NATD1: variants seen among roughly 807,000 people sequenced by gnomAD.
NATD1 encodes the protein N-acetyltransferase domain containing 1, also known as protein NATD1.
NATD1 carries 9 observed loss-of-function variants against 12.0 expected under a neutral mutation model. The observed-to-expected ratio is 0.75, with a 90% CI of 0.45 to 1.30. NATD1 has a LOEUF of 1.30. NATD1 is among the 50% of genes most tolerant of loss of function. The pLI is 0.00. For missense variants in NATD1, 148 were observed against 148.5 expected (o/e 1.00, Z 0.02); for synonymous variants, 71 against 65.9 (o/e 1.08, Z -0.37).
intron 1 of NATD1, among the ~76,000 whole-genome samples, chr17:21,251,935 C>T (rs1414646818): frequency 6.6e-6 from 1 of 152,194 alleles, no homozygotes; most frequent in Non-Finnish European, 1.5e-5. Flanking sequence ...GCGAGGTGGG[C>T]CACAGGGAGT....
Position 21,244,199 on chromosome 17 carries a change from G to A in NATD1, c.132C>T (p.Leu44=), listed in dbSNP as rs1404596965. The A allele has an allele frequency of 6.2e-7, 1 of 1,612,904 alleles. No homozygotes were observed. Among genetic ancestry groups the A allele is most frequent in the Admixed American group, 1.7e-5 (1 of 59,992 alleles). Residue 44 remains leucine (L), a synonymous_variant, in exon 2 of 3, where the codon CTC becomes CTT. Coordinates refer to ENST00000611551, the MANE Select transcript of NATD1 (RefSeq NM_152914.3). The surrounding 1 kb of genome is among the most constrained non-coding windows in gnomAD (Gnocchi z 5.2). ...LNGCHDRAVL[L]YEYVGKRIVD... is the part of the protein sequence containing the mutation. The stretch of plus-strand genomic sequence containing the variant: ...CGATCCGCTTGCCCACGTACTCATA[G>A]AGCAGGACGGCCCGGTCATGACATC...
chr17:21,246,807 A>AG (rs1326177331), intron 1 of NATD1, among the ~76,000 whole-genome samples: 1 of 152,230 alleles, frequency 6.6e-6, no homozygotes, highest in Non-Finnish European at 1.5e-5. Flanking sequence ...AGGGCATACA[A>AG]GGACCCCAAA....
At position 21,248,499 on chromosome 17, in the gene NATD1, C is replaced by T. The variant is rs530086833; in HGVS notation, c.107-4275G>A. Among the ~76,000 whole-genome samples the T allele has an allele frequency of 6.6e-5, 10 of 152,240 alleles. No homozygotes were observed. The East Asian group carries it at 1.4e-3, about 21-fold the overall frequency. ...CTGTCACCTTTCTGCCCAGGGCCTC[C>T]GGGGACCCTTCCTTCTCATTTCAGG... On this transcript the variant is annotated intron_variant, in intron 1 of 2. Transcript: ENST00000611551.
rs1975286077 is a variant in NATD1, at chr17:21,242,644, G to A, written c.*669C>T. ...AAAAAGATGGGGGTACCAAGGAGAG[G>A]AAAACACCCCCGGCACCCACCACCA... On this transcript the variant is annotated 3_prime_UTR_variant, in exon 3 of 3. Transcript: ENST00000611551. 6.5e-6 allele frequency: 1 copy of A among 152,972 alleles called. No individual in the cohort carries two copies. The highest frequency in any genetic ancestry group is 2.1e-4 in the South Asian group (1 of 4,838). 9.5% of individuals were successfully genotyped at this position (152,972 alleles called of 1,614,324 possible).
intron 1 of NATD1, among the ~76,000 whole-genome samples, chr17:21,246,148 C>T (rs1975322961): frequency 6.6e-6 from 1 of 152,152 alleles, no homozygotes; most frequent in Non-Finnish European, 1.5e-5. Flanking sequence ...CAGCAGCGAA[C>T]AAAACTGATG....
chr17:21,243,879 C>T (rs912095400), intron 2 of NATD1, among the ~76,000 whole-genome samples: 4 of 152,162 alleles, frequency 2.6e-5, no homozygotes, highest in Non-Finnish European at 5.9e-5. Flanking sequence ...AATGGGGCTC[C>T]TGTGAAGCAC....
In NATD1 at chr17:21,252,366, C is replaced by A. The variant is rs150132363; in HGVS notation, c.106+793G>T. On this transcript the variant is annotated intron_variant, in intron 1 of 2. Coordinates refer to ENST00000611551, the MANE Select transcript of NATD1 (RefSeq NM_152914.3). The stretch of plus-strand genomic sequence containing the variant: ...AACTTGCCCTTGCTTTCTGGCTTCA[C>A]GAATCACGATCGGGCCACGTTTACC... Among the ~76,000 whole-genome samples, 541 of 152,326 alleles carry A rather than the reference C, an allele frequency of 3.6e-3. 1 individual carries two copies. The highest frequency in any genetic ancestry group is 0.012 in the African/African-American group (484 of 41,578).
chr17:21,245,281 G>A (rs923483513), intron 1 of NATD1, among the ~76,000 whole-genome samples: 2 of 152,170 alleles, frequency 1.3e-5, no homozygotes, highest in Non-Finnish European at 2.9e-5. Flanking sequence ...GATAGGGCAG[G>A]TCCTGCAGAG....
In NATD1 at chr17:21,253,214, G is replaced by A. The variant is rs1444152525; in HGVS notation, c.51C>T (p.Cys17=). The change falls in exon 1 of 3, where the codon TGC becomes TGT. Residue 17 remains cysteine, a synonymous_variant. Coordinates refer to ENST00000611551, the MANE Select transcript of NATD1 (RefSeq NM_152914.3). ...GGCGGTCGTGCTCCACGCGGATGGG[G>A]CAGCCCTGCTCCAGCGCGCCCAGCG... is the stretch of plus-strand genomic sequence containing the variant. ...AVPLGALEQG[C]PIRVEHDRRR... 9.9e-7 allele frequency: 1 copy of A among 1,007,610 alleles called. No homozygotes were observed. Among genetic ancestry groups the A allele is most frequent in the Non-Finnish European group, 1.2e-6 (1 of 845,996 alleles). 62.4% of individuals were successfully genotyped at this position (1,007,610 alleles called of 1,614,324 possible).
intron 1 of NATD1, among the ~76,000 whole-genome samples, chr17:21,248,369 T>C (rs1975345109): frequency 6.6e-6 from 1 of 152,170 alleles, no homozygotes; most frequent in African/African-American, 2.4e-5. Flanking sequence ...CCTCACCTTT[T>C]CTCATCTGAC....
At chr17:21,250,409 GC>G (rs1243848118) in intron 1 of NATD1, among the ~76,000 whole-genome samples, 1 of 152,232 alleles carries the variant, frequency 6.6e-6, no homozygotes, top group Admixed American at 6.5e-5. Context: ...CCTCCCCTCT[GC>G]CCCCTGCACC....
chr17:21,251,620 CACA>C (rs1975377588), intron 1 of NATD1, among the ~76,000 whole-genome samples: 1 of 152,338 alleles, frequency 6.6e-6, no homozygotes, highest in Admixed American at 6.5e-5. Flanking sequence ...GGTGGTATGT[CACA>C]ACATTGTCAG....
At chr17:21,246,834 A>C (rs751972821) in intron 1 of NATD1, among the ~76,000 whole-genome samples, 26 of 152,300 alleles carry the variant, frequency 1.7e-4, no homozygotes, top group Non-Finnish European at 2.6e-4. Flanking sequence ...GTGGGGTATG[A>C]GCCGCCCACT....
intron 1 of NATD1, among the ~76,000 whole-genome samples, chr17:21,252,411 T>G (rs865857778): frequency 3.3e-5 from 5 of 152,208 alleles, no homozygotes; most frequent in Admixed American, 1.3e-4. Flanking sequence ...TAATCCCCCA[T>G]GAGCTGGTCT....
At position 21,242,941 on chromosome 17, in the gene NATD1, A is replaced by C. The variant is rs192063433; in HGVS notation, c.*372T>G. 1,767 of 179,898 alleles carry C rather than the reference A, an allele frequency of 9.8e-3. 43 individuals are homozygous for C. Among genetic ancestry groups the C allele is most frequent in the African/African-American group, 0.038 (1,633 of 42,732 alleles). 11.1% of individuals were successfully genotyped at this position (179,898 alleles called of 1,614,324 possible). ...CACCTTCTTAATTTCCAGAAAGGAC[A>C]CAGGCCCAGGAGAGGTGGCAGCAGG... is the stretch of plus-strand genomic sequence containing the variant. On this transcript the variant is annotated 3_prime_UTR_variant, in exon 3 of 3. Transcript: ENST00000611551.
At chr17:21,249,476 G>T (rs141160681) in intron 1 of NATD1, among the ~76,000 whole-genome samples, 211 of 152,234 alleles carry the variant, frequency 1.4e-3, no homozygotes, top group African/African-American at 4.9e-3. Context: ...AACACAGCCA[G>T]CGGCCTCATA....
rs533043103 is a variant in NATD1 at position 21,252,551 on chromosome 17, C to T, written c.106+608G>A. Among the ~76,000 whole-genome samples the T allele has an allele frequency of 3.9e-5, 6 of 152,308 alleles. No individual in the cohort carries two copies. The South Asian group carries it at 1.2e-3, about 32-fold the overall frequency. On this transcript the variant is annotated intron_variant, in intron 1 of 2. Coordinates refer to ENST00000611551, the MANE Select transcript of NATD1 (RefSeq NM_152914.3). Reference sequence around the variant, plus strand: ...TGAGGCAAATGGCCAGTCCCAGAGCCACTGAAGTCTTGATAGTGATAGCCA... The same window carrying T: ...TGAGGCAAATGGCCAGTCCCAGAGCTACTGAAGTCTTGATAGTGATAGCCA...
intron 1 of NATD1, among the ~76,000 whole-genome samples, chr17:21,247,598 G>A (rs1239863602): frequency 1.3e-5 from 2 of 152,224 alleles, no homozygotes; most frequent in Non-Finnish European, 2.9e-5. Flanking sequence ...GGGCAGAGAG[G>A]TGTCGGGACT....
In NATD1 at chr17:21,239,034, G is replaced by A. The variant is rs1297855745; in HGVS notation, c.*4279C>T. ...AAGTTTAGGGCATTGGATCTGGAAG[G>A]AGTGGGACCCTGAGAATCGTAAAGG... On this transcript the variant is annotated 3_prime_UTR_variant, in exon 3 of 3. Coordinates refer to ENST00000611551, the MANE Select transcript of NATD1 (RefSeq NM_152914.3). The A allele has an allele frequency of 6.6e-6, 1 of 152,214 alleles. No homozygotes were observed. The allele number at this position is 152,214 out of a possible 1,614,324, so 9.4% of individuals were successfully genotyped here.
Sources: gnomAD v4.1 joint callset for allele counts (sites outside exome capture counted in the v4.1 genomes callset) on GRCh38, gnomAD v4.1.1 for gene constraint, Gnocchi (gnomAD v3.1) non-coding constraint, MANE v1.5 for transcripts, NCBI Gene and HGNC (gene_info 2026-07-23, HGNC 2026-07-21) for gene names.